The following PREX1 variants were observed in gnomAD, a reference collection of about 807,000 sequenced individuals.
PREX1 encodes the protein phosphatidylinositol-3,4,5-trisphosphate dependent Rac exchange factor 1.
PREX1 carries 41 observed loss-of-function variants against 198.3 expected under a neutral mutation model. The observed-to-expected ratio is 0.21, with a 90% CI of 0.16 to 0.27. PREX1 has a LOEUF of 0.27. Among genes scored for constraint, PREX1 ranks in the 10% least tolerant of loss-of-function variants. The probability of loss-of-function intolerance (pLI) is 1.00; values close to 1 mark genes in which losing one functional copy is unlikely to be tolerated. For synonymous variants in PREX1, 843 were observed against 887.2 expected (o/e 0.95, Z 0.89); for missense variants, 1,620 against 2,200.7 (o/e 0.74, Z 5.28).
At chr20:48,737,459 A>G (rs774654614) in intron 3 of PREX1, among the ~76,000 whole-genome samples, 1 of 152,118 alleles carries the variant, frequency 6.6e-6, no homozygotes, top group Non-Finnish European at 1.5e-5. Context: ...TGTGATGTCA[A>G]TGGGGTCAGC....
At chr20:48,811,622 AC>A (rs145554231) in intron 1 of PREX1, among the ~76,000 whole-genome samples, 11,474 of 120,078 alleles carry the variant, frequency 0.096, 614 homozygotes, top group Middle Eastern at 0.17. Context: ...CTGGATACAC[AC>A]CCCCCCACAC....
intron 13 of PREX1, among the ~76,000 whole-genome samples, 199 bp downstream of exon 13, chr20:48,679,160 GA>G (rs1379509609): frequency 2.6e-5 from 4 of 152,194 alleles, no homozygotes; most frequent in Non-Finnish European, 5.9e-5. Flanking sequence ...CTCCAGAACT[GA>G]CACCTGCATC....
intron 14 of PREX1, among the ~76,000 whole-genome samples, chr20:48,673,774 A>AT (rs1368539098): frequency 6.6e-6 from 1 of 152,174 alleles, no homozygotes; most frequent in East Asian, 1.9e-4. Context: ...TCTATATTGC[A>AT]TGTAATCTTG....
chr20:48,791,925 G>C (rs116337169), intron 1 of PREX1, among the ~76,000 whole-genome samples: 1 of 152,194 alleles, frequency 6.6e-6, no homozygotes, highest in Non-Finnish European at 1.5e-5. Flanking sequence ...TACCGGGCTC[G>C]AGTTCCCGCA....
intron 13 of PREX1, among the ~76,000 whole-genome samples, chr20:48,677,570 T>C (rs2089718502): frequency 6.6e-6 from 1 of 152,260 alleles, no homozygotes; most frequent in South Asian, 2.1e-4. Context: ...TATTCTTATG[T>C]CCACTTAACA....
chr20:48,831,845 G>T (rs1294070390), upstream of PREX1, among the ~76,000 whole-genome samples: 1 of 152,186 alleles, frequency 6.6e-6, no homozygotes, highest in African/African-American at 2.4e-5. Context: ...GCCTTGGCGG[G>T]ATCAGTGGGG....
At chr20:48,820,316 A>G (rs573641993) in intron 1 of PREX1, among the ~76,000 whole-genome samples, 6 of 152,298 alleles carry the variant, frequency 3.9e-5, no homozygotes, top group African/African-American at 1.4e-4. Flanking sequence ...GAGTAACCCT[A>G]GGAGTGCTGG....
In PREX1 at chr20:48,651,573, C is replaced by G. The variant is rs1568803556; in HGVS notation, c.2478G>C (p.Leu826=). The change falls in exon 22 of 40, where the codon CTG becomes CTC. Residue 826 remains leucine (L), a synonymous_variant. Coordinates refer to ENST00000371941, the MANE Select transcript of PREX1 (RefSeq NM_020820.4). The part of the protein sequence containing the change: ...EEDQADSAFP[L]LSLGPRLSLC... ...GGCTCAGCCGGGGACCCAGGGACAG[C>G]AGTGGGAAGGCTGGAAGCCAAAAGA... The G allele has an allele frequency of 6.2e-7, 1 of 1,612,998 alleles. No individual in the cohort carries two copies. Among genetic ancestry groups the G allele is most frequent in the South Asian group, 1.1e-5 (1 of 90,912 alleles).
intron 25 of PREX1, among the ~76,000 whole-genome samples, 180 bp downstream of exon 25, chr20:48,649,120 C>G (rs1261454718): frequency 6.6e-6 from 1 of 152,158 alleles, no homozygotes; most frequent in Non-Finnish European, 1.5e-5. Context: ...TTGTCACAAT[C>G]AGGTGAGGGG....
intron 3 of PREX1, among the ~76,000 whole-genome samples, chr20:48,735,905 A>G (rs1310397044): frequency 6.6e-6 from 1 of 152,118 alleles, no homozygotes; most frequent in Non-Finnish European, 1.5e-5. Flanking sequence ...TTCAAGCCAC[A>G]AATCTAGACT....
At chr20:48,627,518 C>G in intron 39 of PREX1, 30 bp downstream of exon 39, 1 of 1,613,190 alleles carries the variant, frequency 6.2e-7, no homozygotes, top group Non-Finnish European at 8.5e-7. Context: ...TGGGAGTGGA[C>G]AGGAAGGGGC....
chr20:48,626,345 A>G (rs2089272300), intron 39 of PREX1, among the ~76,000 whole-genome samples: 1 of 152,214 alleles, frequency 6.6e-6, no homozygotes, highest in Admixed American at 6.5e-5. Context: ...TGTCCAGGGC[A>G]AGCAGACTGC....
At chr20:48,812,007 C>T (rs922580788) in intron 1 of PREX1, among the ~76,000 whole-genome samples, 4 of 152,238 alleles carry the variant, frequency 2.6e-5, no homozygotes, top group African/African-American at 9.6e-5. Flanking sequence ...ATTTCCCCTT[C>T]CTGAAAAGCG....
intron 15 of PREX1, among the ~76,000 whole-genome samples, chr20:48,665,354 G>A (rs762860476): frequency 6.6e-6 from 1 of 151,108 alleles, no homozygotes; most frequent in Non-Finnish European, 1.5e-5. Flanking sequence ...GACTCCAGAC[G>A]GCCTGAGTTC....
chr20:48,725,202 C>A (rs528208215), intron 5 of PREX1, among the ~76,000 whole-genome samples: 63 of 152,340 alleles, frequency 4.1e-4, no homozygotes, highest in African/African-American at 1.5e-3. Flanking sequence ...AATACACAAA[C>A]CCCTGTGAGC....
Position 48,650,051 on chromosome 20 carries a change from G to C in PREX1, c.2973C>G (p.Ser991=). 6.2e-7 allele frequency: 1 copy of C among 1,614,246 alleles called. No individual in the cohort carries two copies. Among genetic ancestry groups the C allele is most frequent in the Non-Finnish European group, 8.5e-7 (1 of 1,180,040 alleles). ...YPKTTPSVGR[S]FSIRFGRKPS... ...GTTTGCGTCCAAAGCGGATGCTGAA[G>C]GACCTGCCCACTGAGGGGGTGGTCT... Residue 991 remains serine (S), a synonymous_variant, in exon 24 of 40, where the codon TCC becomes TCG. Coordinates refer to ENST00000371941, the MANE Select transcript of PREX1 (RefSeq NM_020820.4).
rs62210075 is a variant in PREX1 at position 48,631,951 on chromosome 20, A to T, written c.4526+326T>A. Among the ~76,000 whole-genome samples the T allele has an allele frequency of 8.0e-3, 1,214 of 152,286 alleles. 11 individuals carry two copies. Among genetic ancestry groups the T allele is most frequent in the Non-Finnish European group, 0.012 (804 of 68,024 alleles). On this transcript the variant is annotated intron_variant, in intron 35 of 39. Coordinates refer to ENST00000371941, the MANE Select transcript of PREX1 (RefSeq NM_020820.4). ...TGTCCTAGCTCCCACCCTCTGTAGA[A>T]TGAAGCCGGCTCCTCTCAGTAGGAA...
intron 1 of PREX1, among the ~76,000 whole-genome samples, chr20:48,784,284 AT>A (rs773714403): frequency 1.3e-5 from 2 of 152,228 alleles, no homozygotes; most frequent in Non-Finnish European, 2.9e-5. Flanking sequence ...TCGTGTAATC[AT>A]TTAATTTTAT....
At chr20:48,858,483 G>A in the PREX1 span, among the ~76,000 whole-genome samples, 1 of 152,230 alleles carries the variant, frequency 6.6e-6, no homozygotes, top group Non-Finnish European at 1.5e-5. Flanking sequence ...TGGGGAAAAG[G>A]AGAGAACAGA....
Sources: gnomAD v4.1 joint callset for allele counts (sites outside exome capture counted in the v4.1 genomes callset) on GRCh38, gnomAD v4.1.1 for gene constraint, MANE v1.5 for transcripts, NCBI Gene and HGNC (gene_info 2026-07-23, HGNC 2026-07-21) for gene names.